PCDHA11: variants seen among roughly 807,000 people sequenced by gnomAD.
The protein encoded by PCDHA11 is protocadherin alpha-11.
Under a neutral mutation model 70.3 loss-of-function variants are expected in PCDHA11, and 61 were observed. The ratio of observed to expected loss-of-function variants is 0.87; its 90% CI spans 0.71 to 1.07. The LOEUF is 1.07. Among genes scored for constraint, PCDHA11 ranks in the 50% least tolerant of loss-of-function variants. The pLI, the probability that PCDHA11 is intolerant of heterozygous loss-of-function variation, is 0.00. For missense variants in PCDHA11, 1,324 were observed against 1,237.5 expected (o/e 1.07, Z -1.05); for synonymous variants, 633 against 555.1 (o/e 1.14, Z -1.97).
intron 1 of PCDHA11, among the ~76,000 whole-genome samples, chr5:140,899,492 T>A (rs1325439071): frequency 3.9e-5 from 6 of 152,338 alleles, no homozygotes; most frequent in Admixed American, 3.3e-4. Context: ...CTGGATTACA[T>A]TTATTGATTT....
At chr5:140,927,204 G>C (rs1554204171) in intron 1 of PCDHA11, 1 of 1,614,112 alleles carries the variant, frequency 6.2e-7, no homozygotes, top group Middle Eastern at 1.6e-4. Flanking sequence ...TCGAGGACCC[G>C]CTGGAGCTGC....
Position 140,923,348 on chromosome 5 carries a change from G to A in PCDHA11, c.2391+51854G>A, listed in dbSNP as rs376610944. Among the ~76,000 whole-genome samples the A allele has an allele frequency of 2.6e-3, 395 of 152,192 alleles. 2 individuals are homozygous for A. Among genetic ancestry groups the A allele is most frequent in the African/African-American group, 9.2e-3 (384 of 41,538 alleles). ...CAAGGACAGTTTGGGCAACATAGTG[G>A]GACCCTATCTTTATAAAATATTTTT... is the stretch of plus-strand genomic sequence containing the variant. On this transcript the variant is annotated intron_variant, in intron 1 of 3. Coordinates refer to ENST00000398640, the MANE Select transcript of PCDHA11 (RefSeq NM_018902.5).
In PCDHA11 at chr5:141,011,905, G is replaced by C. The variant is rs1400272126; in HGVS notation, c.*1968G>C. 4 of 153,222 alleles carry C rather than the reference G, an allele frequency of 2.6e-5. No individual in the cohort carries two copies. Among genetic ancestry groups the C allele is most frequent in the African/African-American group, 9.7e-5 (4 of 41,224 alleles). The allele number at this position is 153,222 out of a possible 1,614,324, so 9.5% of individuals were successfully genotyped here. A position where few individuals can be genotyped will look rare whatever the true frequency, so the allele number is the denominator to read the frequency against. ...TTGATTAATTATATTATCTATTTAG[G>C]CATTAATATAAAAGAGGTAGGAGTC... On this transcript the variant is annotated 3_prime_UTR_variant, in exon 4 of 4. Coordinates refer to ENST00000398640, the MANE Select transcript of PCDHA11 (RefSeq NM_018902.5).
chr5:140,914,769 T>C (rs2076832006), intron 1 of PCDHA11, among the ~76,000 whole-genome samples: 1 of 152,160 alleles, frequency 6.6e-6, no homozygotes, highest in South Asian at 2.1e-4. Flanking sequence ...ATGAGGTTTA[T>C]GACTTATCTT....
chr5:140,919,307 T>C (rs567605906), intron 1 of PCDHA11, among the ~76,000 whole-genome samples: 2 of 152,348 alleles, frequency 1.3e-5, no homozygotes, highest in East Asian at 1.9e-4. Context: ...GTACAATATA[T>C]GTTTTCCCAT....
chr5:140,941,578 G>A (rs1007298745), intron 1 of PCDHA11, among the ~76,000 whole-genome samples: 3 of 151,774 alleles, frequency 2.0e-5, no homozygotes, highest in Non-Finnish European at 4.4e-5. Context: ...GCCTCCCAAA[G>A]TGCTGGGATT....
chr5:140,933,677 T>A (rs1024721491), intron 1 of PCDHA11, among the ~76,000 whole-genome samples: 8 of 151,826 alleles, frequency 5.3e-5, no homozygotes, highest in African/African-American at 1.9e-4. Context: ...CTCTCTCACA[T>A]TTTTTTTCCT....
At chr5:140,927,568 A>T in intron 1 of PCDHA11, 1 of 1,614,174 alleles carries the variant, frequency 6.2e-7, no homozygotes, top group Non-Finnish European at 8.5e-7. Flanking sequence ...TGTGGTGGAC[A>T]CAAATGACAA....
chr5:140,924,472 G>A (rs938412564), intron 1 of PCDHA11, among the ~76,000 whole-genome samples: 1 of 152,188 alleles, frequency 6.6e-6, no homozygotes, highest in African/African-American at 2.4e-5. Flanking sequence ...GAGGTAACTG[G>A]TTTTTAGTGG....
chr5:140,915,328 A>G (rs1554196854), intron 1 of PCDHA11, among the ~76,000 whole-genome samples: 1 of 152,100 alleles, frequency 6.6e-6, no homozygotes. Context: ...CAGTGTTATA[A>G]TATTCTGTGT....
chr5:140,927,967 AT>A, intron 1 of PCDHA11: 1 of 1,614,172 alleles, frequency 6.2e-7, no homozygotes, highest in Non-Finnish European at 8.5e-7. Context: ...TGGCACAGTG[AT>A]TGCTCTCTTT....
intron 1 of PCDHA11, among the ~76,000 whole-genome samples, chr5:140,920,659 C>T (rs1325541731): frequency 1.3e-5 from 2 of 152,098 alleles, no homozygotes; most frequent in East Asian, 3.9e-4. Flanking sequence ...TCCTTGCCAA[C>T]ATGGTGAAAC....
intron 1 of PCDHA11, chr5:140,966,547 G>A (rs2096020137): frequency 2.1e-6 from 1 of 467,502 alleles, no homozygotes; most frequent in Non-Finnish European, 3.6e-6. Context: ...ACTCGGAGGC[G>A]AGCGGAGGAG....
chr5:140,883,369 C>A (rs781885590), intron 1 of PCDHA11: 4 of 1,614,064 alleles, frequency 2.5e-6, no homozygotes, highest in Non-Finnish European at 1.7e-6. Context: ...AGCCTAGCGC[C>A]ATTATTGCCC....
intron 1 of PCDHA11, among the ~76,000 whole-genome samples, chr5:140,903,657 A>G (rs913315008): frequency 6.6e-6 from 1 of 152,230 alleles, no homozygotes; most frequent in Non-Finnish European, 1.5e-5. Flanking sequence ...TATATTATAA[A>G]TTTAACTGAT....
chr5:140,873,230 A>G (rs888976655), intron 1 of PCDHA11, among the ~76,000 whole-genome samples: 2 of 152,354 alleles, frequency 1.3e-5, no homozygotes, highest in Admixed American at 1.3e-4. Context: ...AGGCAACAAT[A>G]TAAAAATATA....
chr5:141,008,284 GC>G (rs2098367825), intron 3 of PCDHA11, among the ~76,000 whole-genome samples: 1 of 152,150 alleles, frequency 6.6e-6, no homozygotes, highest in Admixed American at 6.5e-5. Context: ...AATTGAAATA[GC>G]AGTTGTACCC....
In PCDHA11 at chr5:141,012,021, A is replaced by T. The variant is rs1428323351; in HGVS notation, c.*2084A>T. 6.5e-6 allele frequency: 1 copy of T among 153,734 alleles called. No individual in the cohort carries two copies. The highest frequency in any genetic ancestry group is 1.5e-5 in the Non-Finnish European group (1 of 68,044). 9.5% of individuals were successfully genotyped at this position (153,734 alleles called of 1,614,324 possible). The stretch of plus-strand genomic sequence containing the variant: ...CATATTTTGAAGGGTGTGTAACTTC[A>T]GCTCTGCAGGATTGCATGGGGTAAA... On this transcript the variant is annotated 3_prime_UTR_variant, in exon 4 of 4. Transcript: ENST00000398640.
chr5:140,907,139 T>C (rs2073191409), intron 1 of PCDHA11, among the ~76,000 whole-genome samples: 1 of 152,148 alleles, frequency 6.6e-6, no homozygotes, highest in African/African-American at 2.4e-5. Context: ...GAATTCCGGC[T>C]ATGGGAGAAA....
Sources: allele counts gnomAD v4.1 joint callset (sites outside exome capture counted in the v4.1 genomes callset), GRCh38; gene constraint gnomAD v4.1.1; transcripts MANE v1.5; gene names NCBI Gene and HGNC (gene_info 2026-07-23, HGNC 2026-07-21).